COL10A1: variants seen among roughly 807,000 people sequenced by gnomAD.
COL10A1 encodes collagen alpha-1(X) chain.
In COL10A1, 10 loss-of-function variants were observed where a neutral mutation model predicts 18.2. The ratio of observed to expected loss-of-function variants is 0.55; its 90% CI spans 0.34 to 0.93. COL10A1 has a LOEUF of 0.93. Ranked by LOEUF, COL10A1 falls within the 40% of genes least tolerant of loss-of-function variation. The pLI is 0.02. For synonymous variants in COL10A1, 330 were observed against 316.6 expected, an observed-to-expected ratio of 1.04 and a Z score of -0.45; for missense variants, 897 against 853.5, an observed-to-expected ratio of 1.05 and a Z score of -0.64.
At chr6:116,130,741 C>G (rs1779438521), upstream of COL10A1, among the ~76,000 whole-genome samples, 1 of 152,050 alleles carries the variant, frequency 6.6e-6, no homozygotes, top group Non-Finnish European at 1.5e-5. Context: ...TTAATGACCT[C>G]AATCTTGTAT....
upstream of COL10A1, among the ~76,000 whole-genome samples, chr6:116,127,370 G>C (rs1779345120): frequency 6.6e-6 from 1 of 151,992 alleles, no homozygotes; most frequent in African/African-American, 2.4e-5. Flanking sequence ...TTGCTTGTAA[G>C]CATTTTGTTG....
chr6:116,204,437 T>C, the COL10A1 span, among the ~76,000 whole-genome samples: 1 of 151,956 alleles, frequency 6.6e-6, no homozygotes, highest in South Asian at 2.1e-4. Flanking sequence ...TTTCACTTAG[T>C]ATATCAGCAA....
chr6:116,145,083 C>A (rs1363244555), intron 1 of COL10A1, among the ~76,000 whole-genome samples: 1 of 152,094 alleles, frequency 6.6e-6, no homozygotes, highest in Non-Finnish European at 1.5e-5. Flanking sequence ...AATATATCAG[C>A]AAAGTTATAG....
intron 2 of COL10A1, 104 bp from the exon 3 acceptor site, chr6:116,122,065 A>C: frequency 1.0e-6 from 1 of 992,580 alleles, no homozygotes; most frequent in Non-Finnish European, 1.6e-6. Flanking sequence ...ATATTTCAGC[A>C]TCATTTATTC....
At chr6:116,196,958 C>G in the COL10A1 span, among the ~76,000 whole-genome samples, 4 of 151,558 alleles carry the variant, frequency 2.6e-5, no homozygotes, top group African/African-American at 9.7e-5. Flanking sequence ...AGAGTTCTAT[C>G]TAGTTGCATC....
chr6:116,134,280 AGGAGCTACTTCCTGCTGTAGACTCAT>A (rs570805168), intron 1 of COL10A1, among the ~76,000 whole-genome samples: 78 of 152,300 alleles, frequency 5.1e-4, no homozygotes, highest in Non-Finnish European at 9.6e-4. Context: ...AATCTGGAGC[AGGAGCTACTTCCTGCTGTAGACTCAT>A]GGAGATAAAC....
intron 1 of COL10A1, among the ~76,000 whole-genome samples, chr6:116,138,516 TTCAGAA>T: frequency 6.6e-6 from 1 of 152,224 alleles, no homozygotes; most frequent in African/African-American, 2.4e-5. Context: ...AATGGGCTAG[TTCAGAA>T]TTTGCTAATT....
intron 1 of COL10A1, among the ~76,000 whole-genome samples, chr6:116,135,872 T>TATATATAC (rs368675402): frequency 2.2e-4 from 27 of 121,290 alleles, no homozygotes; most frequent in South Asian, 1.2e-3. Flanking sequence ...TATATATATA[T>TATATATAC]ACACACATAC....
At chr6:116,171,731 G>A in the COL10A1 span, among the ~76,000 whole-genome samples, 13 of 152,058 alleles carry the variant, frequency 8.5e-5, no homozygotes, top group African/African-American at 2.4e-4. Flanking sequence ...GAGTTTTTAC[G>A]GTTTTCTCCC....
chr6:116,214,518 A>G, the COL10A1 span, among the ~76,000 whole-genome samples: 1 of 152,084 alleles, frequency 6.6e-6, no homozygotes, highest in Non-Finnish European at 1.5e-5. Flanking sequence ...TACTGAAGTA[A>G]TTCTCAAAGT....
chr6:116,164,351 C>CT, the COL10A1 span, among the ~76,000 whole-genome samples: 1 of 152,078 alleles, frequency 6.6e-6, no homozygotes, highest in Non-Finnish European at 1.5e-5. Flanking sequence ...CCTTCTTTGT[C>CT]TTTTTTTACT....
chr6:116,161,005 G>C (rs970407596), upstream of COL10A1, among the ~76,000 whole-genome samples: 11 of 151,876 alleles, frequency 7.2e-5, no homozygotes, highest in East Asian at 1.9e-3. Context: ...GGAATACTAT[G>C]CAGCCATAAA....
chr6:116,211,789 T>C, the COL10A1 span, among the ~76,000 whole-genome samples: 1 of 152,100 alleles, frequency 6.6e-6, no homozygotes, highest in Admixed American at 6.6e-5. Flanking sequence ...GTTTGCTTTG[T>C]TGTACTGTGC....
upstream of COL10A1, among the ~76,000 whole-genome samples, chr6:116,128,225 G>A (rs574287557): frequency 6.6e-6 from 1 of 152,148 alleles, no homozygotes; most frequent in South Asian, 2.1e-4. Context: ...AACCCTTTTT[G>A]CAAATAGTGT....
chr6:116,164,608 G>T, the COL10A1 span, among the ~76,000 whole-genome samples: 1 of 152,088 alleles, frequency 6.6e-6, no homozygotes, highest in Admixed American at 6.6e-5. Context: ...TTTGTTCCTT[G>T]CCTAATATTG....
the COL10A1 span, among the ~76,000 whole-genome samples, chr6:116,214,012 T>A: frequency 1.3e-5 from 2 of 152,124 alleles, no homozygotes; most frequent in Admixed American, 1.3e-4. Context: ...TAGGCACACA[T>A]CACTGTGCCT....
intron 1 of COL10A1, among the ~76,000 whole-genome samples, chr6:116,138,283 G>T (rs1779663758): frequency 6.6e-6 from 1 of 152,146 alleles, no homozygotes; most frequent in Non-Finnish European, 1.5e-5. Context: ...GATCACCATG[G>T]TAAAGCGACT....
In COL10A1 at chr6:116,119,545, A is replaced by G. The variant is rs1035493018; in HGVS notation, c.*528T>C. On this transcript the variant is annotated 3_prime_UTR_variant, in exon 3 of 3. Coordinates refer to ENST00000651968, the MANE Select transcript of COL10A1 (RefSeq NM_000493.4). ...AAAGGGGCCATACAGGCCTCAGAGT[A>G]GTGCACCATCAGAAATATTTTAGGG... 6.4e-6 allele frequency: 1 copy of G among 157,282 alleles called. No homozygotes were observed. Among genetic ancestry groups the G allele is most frequent in the Non-Finnish European group, 1.4e-5 (1 of 71,352 alleles). The allele number at this position is 157,282 out of a possible 1,614,324, so 9.7% of individuals were successfully genotyped here.
At chr6:116,145,076 A>T (rs1779863118) in intron 1 of COL10A1, among the ~76,000 whole-genome samples, 1 of 152,210 alleles carries the variant, frequency 6.6e-6, no homozygotes, top group African/African-American at 2.4e-5. Context: ...TAAATCTAAT[A>T]TATCAGCAAA....
Sources: gnomAD v4.1 joint callset for allele counts (sites outside exome capture counted in the v4.1 genomes callset) on GRCh38, gnomAD v4.1.1 for gene constraint, MANE v1.5 for transcripts, NCBI Gene and HGNC (gene_info 2026-07-23, HGNC 2026-07-21) for gene names.